The following FAM76A variants were observed in gnomAD, a reference collection of about 807,000 sequenced individuals.
FAM76A encodes the protein family with sequence similarity 76 member A.
A neutral mutation model predicts 46.2 loss-of-function variants in FAM76A; 32 were observed. That is an observed-to-expected ratio of 0.69 (90% CI 0.52 to 0.93). The LOEUF is 0.93. FAM76A is among the 40% of genes least tolerant of loss of function. The pLI is 0.00. For missense variants in FAM76A, 274 were observed against 361.5 expected (o/e 0.76, Z 1.96); for synonymous variants, 137 against 127.0 (o/e 1.08, Z -0.53).
At position 27,734,070 on chromosome 1, in the gene FAM76A, A is replaced by G. The variant is rs1196827299; in HGVS notation, c.241A>G (p.Ile81Val). ...CQYCNIIAAF[I>V]GNKCQRCTNS... ...GTATTGCAACATAATTGCAGCATTT[A>G]TTGGGAATAAATGCCAGCGCTGCAC... Residue 81 changes from isoleucine to valine, a missense_variant, in exon 4 of 9, where the codon ATT becomes GTT. Coordinates refer to ENST00000373954, the MANE Select transcript of FAM76A (RefSeq NM_152660.3). The G allele has an allele frequency of 1.2e-6, 2 of 1,611,302 alleles. No homozygotes were observed. The highest frequency in any genetic ancestry group is 1.7e-6 in the Non-Finnish European group (2 of 1,179,496).
intron 6 of FAM76A, among the ~76,000 whole-genome samples, chr1:27,754,749 G>C (rs891364009): frequency 6.6e-6 from 1 of 152,166 alleles, no homozygotes; most frequent in Admixed American, 6.5e-5. Context: ...CAGAAGACAA[G>C]GACCTGAAAG....
chr1:27,729,799 C>A (rs1222821465), intron 2 of FAM76A, among the ~76,000 whole-genome samples: 1 of 152,130 alleles, frequency 6.6e-6, no homozygotes, highest in Admixed American at 6.6e-5. Context: ...CACTAACATG[C>A]TTGAATCTTA....
chr1:27,755,327 G>A lies in FAM76A; in HGVS notation c.732G>A (p.Lys244=). The change falls in exon 7 of 9, where the codon AAG becomes AAA. Residue 244 remains lysine, a synonymous_variant. Transcript: ENST00000373954. ...QKDQMILEKE[K]KITELKADFQ... ...ATCAAATGATTTTAGAGAAAGAGAA[G>A]AAGGTATGGTTTAGTTAATTCCTCT... 6.2e-7 allele frequency: 1 copy of A among 1,614,132 alleles called. No homozygotes were observed. Among genetic ancestry groups the A allele is most frequent in the South Asian group, 1.1e-5 (1 of 91,082 alleles).
rs567370122 is a variant in FAM76A, at chr1:27,726,077, G to A, written c.-4G>A. ...CGGGTCGGTGAGCGCGGCCCGGGCCGGACATGGCGGCGCTCTACGCCTGCA... is the reference window on the plus strand; with the variant it reads ...CGGGTCGGTGAGCGCGGCCCGGGCCAGACATGGCGGCGCTCTACGCCTGCA... On this transcript the variant is annotated 5_prime_UTR_variant, in exon 1 of 9. Coordinates refer to ENST00000373954, the MANE Select transcript of FAM76A (RefSeq NM_152660.3). 2.4e-6 allele frequency: 3 copies of A among 1,253,806 alleles called. No individual in the cohort carries two copies. The highest frequency in any genetic ancestry group is 2.9e-5 in the South Asian group (1 of 33,966). The allele number at this position is 1,253,806 out of a possible 1,614,324, so 77.7% of individuals were successfully genotyped here. A position where few individuals can be genotyped will look rare whatever the true frequency, so the allele number is the denominator to read the frequency against.
intron 5 of FAM76A, among the ~76,000 whole-genome samples, chr1:27,747,543 T>G (rs2088260707): frequency 6.6e-6 from 1 of 152,136 alleles, no homozygotes; most frequent in Non-Finnish European, 1.5e-5. Flanking sequence ...CAGTTTTGAG[T>G]GAACTTATTG....
At chr1:27,742,236 C>CTAA (rs1484906884) in intron 4 of FAM76A, among the ~76,000 whole-genome samples, 19 of 152,164 alleles carry the variant, frequency 1.2e-4, no homozygotes, top group African/African-American at 4.3e-4. Context: ...TCAGCATACT[C>CTAA]CCTGTCTAAC....
intron 6 of FAM76A, among the ~76,000 whole-genome samples, chr1:27,753,459 G>C (rs2088362592): frequency 1.3e-5 from 2 of 152,228 alleles, no homozygotes; most frequent in African/African-American, 4.8e-5. Flanking sequence ...TTCCAGATCT[G>C]AAACTAGTGG....
chr1:27,740,265 A>G (rs573129490), intron 4 of FAM76A: 1 of 732,982 alleles, frequency 1.4e-6, no homozygotes, highest in Admixed American at 1.8e-5. Context: ...GATTGAAGAC[A>G]TTTGGGAGAA....
chr1:27,729,129 T>G (rs1462598524), intron 2 of FAM76A, among the ~76,000 whole-genome samples: 1 of 152,146 alleles, frequency 6.6e-6, no homozygotes, highest in Non-Finnish European at 1.5e-5. Context: ...ATTTGTTAAT[T>G]CATCCATTAG....
At chr1:27,726,260 G>C in intron 1 of FAM76A, 99 bp downstream of exon 1, 1 of 1,083,778 alleles carries the variant, frequency 9.2e-7, no homozygotes, top group African/African-American at 1.6e-5. Context: ...CCCGGAGCAG[G>C]GTGTGGCAGG....
chr1:27,739,166 C>G (rs72655048), intron 4 of FAM76A: 1 of 374,352 alleles, frequency 2.7e-6, no homozygotes, highest in Non-Finnish European at 5.2e-6. Flanking sequence ...CCATTTTCAC[C>G]TACTTTATCA....
intron 2 of FAM76A, among the ~76,000 whole-genome samples, chr1:27,728,472 C>G (rs991736347): frequency 4.6e-5 from 7 of 152,124 alleles, no homozygotes; most frequent in Non-Finnish European, 1.0e-4. Context: ...CCCACCTCAG[C>G]CTACCAAGTA....
At chr1:27,736,455 G>C (rs2088047300) in intron 4 of FAM76A, among the ~76,000 whole-genome samples, 1 of 152,216 alleles carries the variant, frequency 6.6e-6, no homozygotes, top group Admixed American at 6.5e-5. Flanking sequence ...TGTAAAAGGG[G>C]ATGATCAGAT....
intron 4 of FAM76A, among the ~76,000 whole-genome samples, chr1:27,741,193 A>ATTTTTTT (rs767134759): frequency 2.6e-5 from 3 of 116,494 alleles, no homozygotes; most frequent in African/African-American, 7.5e-5. Context: ...GGGAGATTTG[A>ATTTTTTT]TTTTTTTTTT....
chr1:27,740,098 C>T, intron 4 of FAM76A: 1 of 425,988 alleles, frequency 2.3e-6, no homozygotes, highest in Non-Finnish European at 4.6e-6. Context: ...TTTGGTTATC[C>T]TGTGGTAGAA....
intron 4 of FAM76A, among the ~76,000 whole-genome samples, chr1:27,742,090 A>T (rs1380045191): frequency 6.6e-6 from 1 of 152,054 alleles, no homozygotes; most frequent in African/African-American, 2.4e-5. Context: ...GGGTTGGGGG[A>T]TGGGGAGCAA....
rs184211917 is a variant in FAM76A, at chr1:27,744,680, G to A, written c.381G>A (p.Leu127=). The A allele has an allele frequency of 6.2e-7, 1 of 1,614,128 alleles. No homozygotes were observed. Among genetic ancestry groups the A allele is most frequent in the Non-Finnish European group, 8.5e-7 (1 of 1,180,004 alleles). The change falls in exon 5 of 9, where the codon CTG becomes CTA. Residue 127 remains leucine, a synonymous_variant. Transcript: ENST00000373954. ...TAGATGGGAAATTGCTGTGCTGGCT[G>A]TGCACACTTTCATACAAACGGGTCC... is the stretch of plus-strand genomic sequence containing the variant. ...KKVDGKLLCW[L]CTLSYKRVLQ... is the part of the protein sequence containing the mutation.
intron 7 of FAM76A, among the ~76,000 whole-genome samples, chr1:27,757,195 T>TC (rs2088424947): frequency 7.9e-6 from 1 of 125,810 alleles, no homozygotes; most frequent in Non-Finnish European, 1.7e-5. Flanking sequence ...ATTCTTTTTT[T>TC]TTTTTTTTTT....
At chr1:27,738,891 C>T (rs976784836) in intron 4 of FAM76A, among the ~76,000 whole-genome samples, 5 of 152,236 alleles carry the variant, frequency 3.3e-5, no homozygotes, top group Admixed American at 1.3e-4. Context: ...CCATGGGAAG[C>T]TCTGGAGGAC....
Sources: allele counts gnomAD v4.1 joint callset (sites outside exome capture counted in the v4.1 genomes callset), GRCh38; gene constraint gnomAD v4.1.1; transcripts MANE v1.5; gene names NCBI Gene and HGNC (gene_info 2026-07-23, HGNC 2026-07-21).